JPH3: variants seen among roughly 807,000 people sequenced by gnomAD.
The protein encoded by JPH3 is junctophilin-3.
Under a neutral mutation model 59.6 loss-of-function variants are expected in JPH3, and 11 were observed. The ratio of observed to expected loss-of-function variants is 0.18; its 90% CI spans 0.12 to 0.31. The LOEUF (loss-of-function observed/expected upper bound fraction) is 0.31. Among genes scored for constraint, JPH3 ranks in the 10% least tolerant of loss-of-function variants. The pLI, the probability that JPH3 is intolerant of heterozygous loss-of-function variation, is 1.00. For missense variants in JPH3, 1,202 were observed against 1,105.7 expected, an observed-to-expected ratio of 1.09 and a Z score of -1.24; for synonymous variants, 673 against 483.6, an observed-to-expected ratio of 1.39 and a Z score of -5.14.
intron 1 of JPH3, among the ~76,000 whole-genome samples, chr16:87,616,239 T>TGTGTGTGTGTG (rs1491549852): frequency 1.9e-5 from 2 of 105,968 alleles, no homozygotes; most frequent in African/African-American, 6.6e-5. Flanking sequence ...TGTGTGTGTA[T>TGTGTGTGTGTG]TTTTTTTTTT....
In JPH3 at chr16:87,696,730, CAAG is replaced by C. The variant is rs2033876366; in HGVS notation, c.*74_*76del. ...GACATTAAAATTAAAAGCAAAACCA[CAAG>C]AAGGGAAAGACCGCAACTCGGACAG... is the stretch of plus-strand genomic sequence containing the variant. On this transcript the variant is annotated 3_prime_UTR_variant, in exon 5 of 5. Transcript: ENST00000284262. The C allele has an allele frequency of 1.5e-6, 2 of 1,333,874 alleles. No homozygotes were observed. Among genetic ancestry groups the C allele is most frequent in the African/African-American group, 2.9e-5 (2 of 69,298 alleles). The allele number at this position is 1,333,874 out of a possible 1,614,324, so 82.6% of individuals were successfully genotyped here.
intron 1 of JPH3, among the ~76,000 whole-genome samples, chr16:87,639,313 C>G (rs1356742602): frequency 6.6e-6 from 1 of 151,706 alleles, no homozygotes; most frequent in Non-Finnish European, 1.5e-5. Flanking sequence ...GAACTCAAGT[C>G]TGTCTGAGGC....
At chr16:87,675,952 C>T (rs964474566) in intron 2 of JPH3, among the ~76,000 whole-genome samples, 5 of 152,224 alleles carry the variant, frequency 3.3e-5, no homozygotes, top group African/African-American at 1.2e-4. Flanking sequence ...CATGAAACAA[C>T]AACAGCAAGA....
At chr16:87,661,852 A>G (rs2032714382) in intron 2 of JPH3, among the ~76,000 whole-genome samples, 1 of 152,242 alleles carries the variant, frequency 6.6e-6, no homozygotes, top group Non-Finnish European at 1.5e-5. Flanking sequence ...TTACGAAGCC[A>G]GGGCCTTGGC....
rs1331376240 is a variant in JPH3 at position 87,602,725 on chromosome 16, G to C, written c.-422G>C. Among the ~76,000 whole-genome samples the C allele has an allele frequency of 7.3e-6, 1 of 137,114 alleles. No homozygotes were observed. The highest frequency in any genetic ancestry group is 2.6e-5 in the African/African-American group (1 of 38,232). 90.0% of individuals were successfully genotyped at this position (137,114 alleles called of 152,430 possible). A position where few individuals can be genotyped will look rare whatever the true frequency, so the allele number is the denominator to read the frequency against. ...CCCGCAGCGCGGCAGCCGCAGGTGG[G>C]GGGCCGCGGCCCGGGCCTGAGCTGC... On this transcript the variant is annotated 5_prime_UTR_variant, in exon 1 of 5. Coordinates refer to ENST00000284262, the MANE Select transcript of JPH3 (RefSeq NM_020655.4).
chr16:87,616,761 C>T (rs974553765), intron 1 of JPH3, among the ~76,000 whole-genome samples: 4 of 152,300 alleles, frequency 2.6e-5, no homozygotes, highest in East Asian at 1.9e-4. Flanking sequence ...TTGTGTTGCC[C>T]TTTTGTAGCC....
rs368542125 is a variant in JPH3 at position 87,619,269 on chromosome 16, C to T, written c.382+15741C>T. 6.0e-5 allele frequency among the ~76,000 whole-genome samples: 9 copies of T among 150,036 alleles called. No individual in the cohort carries two copies. The South Asian group carries it at 1.0e-3, about 17-fold the overall frequency. On this transcript the variant is annotated intron_variant, in intron 1 of 4. Transcript: ENST00000284262. ...TCAAGGCTGCCGTGAGCTATGATCA[C>T]GCCACTGCATTCCAGCCTGGGTGAC... is the stretch of plus-strand genomic sequence containing the variant.
intron 1 of JPH3, among the ~76,000 whole-genome samples, chr16:87,625,624 T>A (rs142483481): frequency 1.3e-5 from 2 of 152,084 alleles, no homozygotes; most frequent in African/African-American, 4.8e-5. Flanking sequence ...CAGCGCAGAC[T>A]GGGGGAGACG....
intron 1 of JPH3, among the ~76,000 whole-genome samples, chr16:87,643,824 C>T (rs1037649308): frequency 4.0e-5 from 6 of 151,092 alleles, no homozygotes; most frequent in Non-Finnish European, 7.4e-5. Context: ...TCTGCCTCCA[C>T]GCAAACCTCA....
intron 4 of JPH3, among the ~76,000 whole-genome samples, chr16:87,692,068 G>A (rs188469491): frequency 9.2e-5 from 14 of 152,136 alleles, no homozygotes; most frequent in Non-Finnish European, 1.6e-4. Flanking sequence ...GGTCCTGCCC[G>A]GTCTCCAGCT....
intron 2 of JPH3, among the ~76,000 whole-genome samples, chr16:87,683,523 C>T (rs1343413082): frequency 6.6e-6 from 1 of 152,058 alleles, no homozygotes; most frequent in African/African-American, 2.4e-5. Flanking sequence ...GCAGGCTGGT[C>T]TTGAACTCCT....
intron 3 of JPH3, among the ~76,000 whole-genome samples, chr16:87,685,871 G>A (rs1197922352): frequency 6.6e-6 from 1 of 152,194 alleles, no homozygotes; most frequent in African/African-American, 2.4e-5. Context: ...CCCAAGAGAC[G>A]CATCCACCGG....
chr16:87,661,644 T>C (rs1278264111), intron 2 of JPH3, among the ~76,000 whole-genome samples: 1 of 152,208 alleles, frequency 6.6e-6, no homozygotes, highest in African/African-American at 2.4e-5. Flanking sequence ...AGGCCAGCCA[T>C]GTCTGCTCAG....
intron 3 of JPH3, among the ~76,000 whole-genome samples, chr16:87,684,644 G>A (rs2033373771): frequency 6.6e-6 from 1 of 152,238 alleles, no homozygotes; most frequent in Non-Finnish European, 1.5e-5. Context: ...GGTCCAGCGT[G>A]GCAGCCATTA....
intron 1 of JPH3, among the ~76,000 whole-genome samples, chr16:87,606,316 A>T (rs115036725): frequency 4.4e-4 from 67 of 152,318 alleles, no homozygotes; most frequent in African/African-American, 1.6e-3. Flanking sequence ...GGAAATGGCG[A>T]TTTTCATGAA....
At chr16:87,640,292 G>GCACT (rs1447168985) in intron 1 of JPH3, among the ~76,000 whole-genome samples, 1 of 151,176 alleles carries the variant, frequency 6.6e-6, no homozygotes, top group Non-Finnish European at 1.5e-5. Flanking sequence ...TCGCGCTACT[G>GCACT]CACTCTAGCC....
intron 1 of JPH3, among the ~76,000 whole-genome samples, chr16:87,619,795 G>T (rs186001555): frequency 5.9e-5 from 9 of 152,294 alleles, no homozygotes; most frequent in East Asian, 3.9e-4. Context: ...TTGGTTGGGG[G>T]AATAGGACCC....
chr16:87,623,358 G>A (rs1471469398), intron 1 of JPH3, among the ~76,000 whole-genome samples: 2 of 152,196 alleles, frequency 1.3e-5, no homozygotes, highest in African/African-American at 2.4e-5. Flanking sequence ...GTCCAGCAGG[G>A]TGGGCGTGAG....
At chr16:87,628,700 C>G (rs895638484) in intron 1 of JPH3, among the ~76,000 whole-genome samples, 1 of 152,158 alleles carries the variant, frequency 6.6e-6, no homozygotes, top group East Asian at 1.9e-4. Context: ...TTCAGTGGCC[C>G]GTGGAAACCC....
Sources: allele counts gnomAD v4.1 joint callset (sites outside exome capture counted in the v4.1 genomes callset), GRCh38; gene constraint gnomAD v4.1.1; transcripts MANE v1.5; gene names NCBI Gene and HGNC (gene_info 2026-07-23, HGNC 2026-07-21).